NRXN1: variants seen among roughly 807,000 people sequenced by gnomAD.
NRXN1 encodes the protein neurexin-1.
Under a neutral mutation model 150.9 loss-of-function variants are expected in NRXN1, and 39 were observed. That is an observed-to-expected ratio of 0.26 (90% confidence interval 0.20 to 0.34). The LOEUF is 0.34. Among genes scored for constraint, NRXN1 ranks in the 10% least tolerant of loss-of-function variants. The pLI is 1.00. For synonymous variants in NRXN1, 924 were observed against 757.0 expected (o/e 1.22, Z -3.62); for missense variants, 1,815 against 1,949.9 (o/e 0.93, Z 1.30).
chr2:50,940,866 T>G (rs530183519), intron 2 of NRXN1, among the ~76,000 whole-genome samples: 2 of 152,262 alleles, frequency 1.3e-5, no homozygotes, highest in South Asian at 4.1e-4. Context: ...TATCAGAATT[T>G]GCAAATTACA....
chr2:51,031,310 AT>A, intron 1 of NRXN1, among the ~76,000 whole-genome samples: 1 of 152,162 alleles, frequency 6.6e-6, no homozygotes, highest in South Asian at 2.1e-4. Flanking sequence ...CTTTTCTTTC[AT>A]TTCTAGAATC....
chr2:50,529,060 C>G (rs1005696959), intron 11 of NRXN1: 1 of 157,722 alleles, frequency 6.3e-6, no homozygotes, highest in Non-Finnish European at 1.4e-5. Context: ...CTTGGACCTC[C>G]GAAATCTAAT....
intron 21 of NRXN1, among the ~76,000 whole-genome samples, chr2:50,027,000 G>T (rs1372273608): frequency 6.7e-6 from 1 of 148,276 alleles, no homozygotes; most frequent in Non-Finnish European, 1.5e-5. Context: ...TTCTGCTTCA[G>T]CCTCCCAAGT....
chr2:50,232,387 CTTTTT>C (rs56846249), intron 18 of NRXN1, among the ~76,000 whole-genome samples: 15 of 55,228 alleles, frequency 2.7e-4, no homozygotes, highest in African/African-American at 9.6e-4. Flanking sequence ...CTTTTCTTTT[CTTTTT>C]TTTTTTTTTT....
At chr2:50,047,532 T>C (rs1692003645) in intron 21 of NRXN1, among the ~76,000 whole-genome samples, 1 of 152,068 alleles carries the variant, frequency 6.6e-6, no homozygotes, top group African/African-American at 2.4e-5. Flanking sequence ...ATGCTGCCAG[T>C]GGCACTATCC....
intron 22 of NRXN1, among the ~76,000 whole-genome samples, chr2:49,941,462 C>T (rs1671959047): frequency 6.6e-6 from 1 of 151,632 alleles, no homozygotes; most frequent in Non-Finnish European, 1.5e-5. Context: ...TAAACTAGTC[C>T]ATAAGGAATG....
At chr2:50,437,221 T>C (rs1013761420) in intron 17 of NRXN1, among the ~76,000 whole-genome samples, 37 of 152,194 alleles carry the variant, frequency 2.4e-4, no homozygotes, top group Admixed American at 1.3e-4. Flanking sequence ...AAATACACAC[T>C]AGACCTGCTC....
At chr2:50,097,391 T>C (rs1416585525) in intron 18 of NRXN1, among the ~76,000 whole-genome samples, 1 of 152,178 alleles carries the variant, frequency 6.6e-6, no homozygotes, top group Non-Finnish European at 1.5e-5. Context: ...TGTACTCATT[T>C]CAGAATACAG....
At chr2:50,766,573 A>G (rs1033894175) in intron 5 of NRXN1, among the ~76,000 whole-genome samples, 2 of 152,026 alleles carry the variant, frequency 1.3e-5, no homozygotes, top group Non-Finnish European at 2.9e-5. Flanking sequence ...AAATTCCACA[A>G]TACTTCCAGT....
intron 5 of NRXN1, among the ~76,000 whole-genome samples, chr2:50,634,682 T>C (rs1162350438): frequency 2.0e-5 from 3 of 152,198 alleles, no homozygotes; most frequent in Non-Finnish European, 4.4e-5. Context: ...AATCATGTCA[T>C]CATTTTTAGT....
chr2:50,602,069 A>C (rs1676368821), intron 8 of NRXN1, among the ~76,000 whole-genome samples: 1 of 152,182 alleles, frequency 6.6e-6, no homozygotes, highest in East Asian at 1.9e-4. Context: ...AATAAGACTA[A>C]ATGATCTCAT....
intron 19 of NRXN1, among the ~76,000 whole-genome samples, chr2:50,067,891 C>A (rs1695598258): frequency 6.6e-6 from 1 of 152,102 alleles, no homozygotes; most frequent in Non-Finnish European, 1.5e-5. Context: ...TGTCTTTTCC[C>A]AGTTCTTGTT....
At chr2:49,985,876 A>G (rs1680822764) in intron 21 of NRXN1, among the ~76,000 whole-genome samples, 1 of 152,236 alleles carries the variant, frequency 6.6e-6, no homozygotes, top group Non-Finnish European at 1.5e-5. Context: ...AGTAATACTG[A>G]CAACACATTT....
rs377494960 is a variant in NRXN1 at position 50,066,330 on chromosome 2, A to G, written c.3719-11286T>C. On this transcript the variant is annotated intron_variant, in intron 19 of 22. Coordinates refer to ENST00000401669, the MANE Select transcript of NRXN1 (RefSeq NM_001330078.2). ...GACAAATGAGGAAAGTTAAAAAATA[A>G]AAGATTTAAGTAAAAGTTCAAGATA... Among the ~76,000 whole-genome samples, 15 of 152,292 alleles carry G rather than the reference A, an allele frequency of 9.8e-5. No individual in the cohort carries two copies. The East Asian group carries it at 1.2e-3, about 12-fold the overall frequency.
At chr2:50,684,339 C>CA (rs1254885780) in intron 5 of NRXN1, among the ~76,000 whole-genome samples, 1 of 151,602 alleles carries the variant, frequency 6.6e-6, no homozygotes, top group Non-Finnish European at 1.5e-5. Flanking sequence ...CCCGTCACTA[C>CA]AAAAAAATAC....
intron 21 of NRXN1, among the ~76,000 whole-genome samples, chr2:49,995,209 G>C (rs1682731766): frequency 6.6e-6 from 1 of 152,212 alleles, no homozygotes; most frequent in Non-Finnish European, 1.5e-5. Flanking sequence ...GGAGAAAAAT[G>C]AGAGAAAGGT....
At chr2:50,381,394 A>G (rs1238961942) in intron 17 of NRXN1, among the ~76,000 whole-genome samples, 5 of 152,056 alleles carry the variant, frequency 3.3e-5, no homozygotes, top group African/African-American at 7.2e-5. Flanking sequence ...GAATTACCAA[A>G]GAGTACCTGG....
At chr2:50,637,956 G>C (rs184733231) in intron 5 of NRXN1, among the ~76,000 whole-genome samples, 1 of 152,018 alleles carries the variant, frequency 6.6e-6, no homozygotes, top group African/African-American at 2.4e-5. Context: ...TTAGATCTTA[G>C]GATCCAAGGT....
At chr2:50,843,739 C>A (rs1037939894) in intron 5 of NRXN1, among the ~76,000 whole-genome samples, 1 of 152,054 alleles carries the variant, frequency 6.6e-6, no homozygotes, top group African/African-American at 2.4e-5. Context: ...CCCAGGTAAA[C>A]AACTTGATGG....
Sources: allele counts gnomAD v4.1 joint callset (sites outside exome capture counted in the v4.1 genomes callset), GRCh38; gene constraint gnomAD v4.1.1; transcripts MANE v1.5; gene names NCBI Gene and HGNC (gene_info 2026-07-23, HGNC 2026-07-21).